Variants in TRIQK observed in about 807,000 individuals in gnomAD.
TRIQK encodes triple QxxK/R motif containing.
Under a neutral mutation model 10.8 loss-of-function variants are expected in TRIQK, and 10 were observed. The observed-to-expected ratio is 0.92, with a 90% CI of 0.57 to 1.57. The LOEUF (loss-of-function observed/expected upper bound fraction) is 1.57. TRIQK is among the 40% of genes most tolerant of loss of function. TRIQK has a pLI of 0.00. For synonymous variants in TRIQK, 33 were observed against 33.7 expected (o/e 0.98, Z 0.07); for missense variants, 107 against 97.7 (o/e 1.09, Z -0.40).
intron 1 of TRIQK, among the ~76,000 whole-genome samples, chr8:92,994,743 T>C (rs1324143546): frequency 6.6e-6 from 1 of 151,996 alleles, no homozygotes; most frequent in African/African-American, 2.4e-5. Context: ...TCTGACCTTA[T>C]ACTACTCTAT....
At chr8:92,921,110 C>T (rs1267215159) in intron 2 of TRIQK, among the ~76,000 whole-genome samples, 1 of 151,476 alleles carries the variant, frequency 6.6e-6, no homozygotes, top group Admixed American at 6.6e-5. Context: ...ATGATTATTG[C>T]AGGTATAAAG....
intron 4 of TRIQK, among the ~76,000 whole-genome samples, chr8:92,888,263 T>G (rs1023451352): frequency 1.3e-5 from 2 of 151,698 alleles, no homozygotes; most frequent in Non-Finnish European, 3.0e-5. Context: ...AGGCCATGAT[T>G]CATATCTTAT....
At chr8:92,906,219 G>C (rs780889363) in intron 3 of TRIQK, among the ~76,000 whole-genome samples, 23 of 152,118 alleles carry the variant, frequency 1.5e-4, no homozygotes, top group Non-Finnish European at 3.2e-4. Context: ...ATTGAAAGCT[G>C]AGCCAGCCAC....
At chr8:93,015,982 T>C (rs573866538) in intron 1 of TRIQK, among the ~76,000 whole-genome samples, 2 of 152,268 alleles carry the variant, frequency 1.3e-5, no homozygotes, top group Admixed American at 6.5e-5. Context: ...TCCTGAGCTA[T>C]GCATAGAGAT....
At chr8:92,894,519 A>G (rs1808491659) in intron 3 of TRIQK, among the ~76,000 whole-genome samples, 1 of 152,042 alleles carries the variant, frequency 6.6e-6, no homozygotes, top group Non-Finnish European at 1.5e-5. Flanking sequence ...ACTGATTCTG[A>G]TTTTGGTTGT....
chr8:92,897,231 T>C (rs1405664648), intron 3 of TRIQK, among the ~76,000 whole-genome samples: 2 of 152,160 alleles, frequency 1.3e-5, no homozygotes, highest in Non-Finnish European at 2.9e-5. Flanking sequence ...TGATTTTAAA[T>C]GAGACTTTGG....
At chr8:92,966,846 C>A (rs1296028456), upstream of TRIQK, among the ~76,000 whole-genome samples, 1 of 152,074 alleles carries the variant, frequency 6.6e-6, no homozygotes, top group African/African-American at 2.4e-5. Flanking sequence ...TTGTGGTGAA[C>A]TAAATCTAAA....
intron 1 of TRIQK, among the ~76,000 whole-genome samples, chr8:92,991,052 T>C (rs1813091774): frequency 6.6e-6 from 1 of 152,086 alleles, no homozygotes; most frequent in Admixed American, 6.5e-5. Context: ...CGAGGAACAC[T>C]CTGGCTTGGT....
chr8:93,012,070 G>T (rs991637013), intron 1 of TRIQK, among the ~76,000 whole-genome samples: 1 of 152,088 alleles, frequency 6.6e-6, no homozygotes, highest in Admixed American at 6.6e-5. Flanking sequence ...GCAAGAAATA[G>T]AAAATAAAAT....
At chr8:92,993,566 C>T (rs1333171606) in intron 1 of TRIQK, among the ~76,000 whole-genome samples, 3 of 152,172 alleles carry the variant, frequency 2.0e-5, no homozygotes, top group Admixed American at 6.5e-5. Context: ...TGCTCATTTT[C>T]AGTGCTTAGT....
At chr8:92,928,021 AAT>A (rs1810528966) in intron 2 of TRIQK, 2 of 152,188 alleles carry the variant, frequency 1.3e-5, no homozygotes, top group Non-Finnish European at 2.9e-5. Context: ...AGTTCCAATT[AAT>A]GTCAAGAGGT....
At chr8:92,945,665 A>G (rs1487120549) in intron 2 of TRIQK, among the ~76,000 whole-genome samples, 1 of 152,162 alleles carries the variant, frequency 6.6e-6, no homozygotes, top group Non-Finnish European at 1.5e-5. Context: ...TATGTACCAT[A>G]TAGGTATGTA....
At position 92,972,486 on chromosome 8, in the gene TRIQK, A is replaced by G. The variant is rs1812885744; in HGVS notation, c.-180-17922T>C. 3 of 152,240 alleles carry G rather than the reference A, an allele frequency of 2.0e-5. No individual in the cohort carries two copies. In the East Asian group the frequency reaches 5.8e-4, roughly 29 times the overall value. The allele number at this position is 152,240 out of a possible 1,614,324, so 9.4% of individuals were successfully genotyped here. ...TATATTGTTATGCTGAGAATCATCA[A>G]TGTTGCATTCATTTAATATTATGTT... On this transcript the variant is annotated intron_variant, in intron 1 of 4. Coordinates refer to the TRIQK transcript ENST00000520686.
chr8:93,008,866 AC>A (rs1365623493), intron 1 of TRIQK, among the ~76,000 whole-genome samples: 2 of 152,236 alleles, frequency 1.3e-5, no homozygotes, highest in African/African-American at 4.8e-5. Flanking sequence ...AATGCTTGGA[AC>A]CATGAAGCTA....
chr8:92,997,046 A>G (rs1468381182), intron 1 of TRIQK, among the ~76,000 whole-genome samples: 1 of 151,974 alleles, frequency 6.6e-6, no homozygotes, highest in Non-Finnish European at 1.5e-5. Flanking sequence ...CCAATACTCA[A>G]TCATACATTG....
chr8:92,956,134 C>T lies in TRIQK; in HGVS notation c.-180-1570G>A, dbSNP rs1224336912. ...GTTCATAGCAGCATTATTCTAATAG[C>T]CAAAAAGTAGAAATAACTCATGATG... On this transcript the variant is annotated intron_variant, in intron 1 of 4. Transcript: ENST00000521988. 2.0e-5 allele frequency among the ~76,000 whole-genome samples: 3 copies of T among 151,394 alleles called. No individual in the cohort carries two copies. In the South Asian group the frequency reaches 6.2e-4, roughly 32 times the overall value.
intron 1 of TRIQK, among the ~76,000 whole-genome samples, chr8:93,015,005 G>A (rs1813370207): frequency 6.6e-6 from 1 of 152,038 alleles, no homozygotes; most frequent in Admixed American, 6.6e-5. Flanking sequence ...TCCTCAAGAA[G>A]AGTGAGCTAT....
At chr8:92,950,723 T>C (rs1294789429) in intron 2 of TRIQK, among the ~76,000 whole-genome samples, 1 of 152,156 alleles carries the variant, frequency 6.6e-6, no homozygotes, top group African/African-American at 2.4e-5. Flanking sequence ...ATATTTAAAG[T>C]AACCCTAGGT....
intron 1 of TRIQK, among the ~76,000 whole-genome samples, chr8:92,983,724 A>G (rs1225326882): frequency 1.3e-5 from 2 of 152,082 alleles, no homozygotes; most frequent in Non-Finnish European, 2.9e-5. Flanking sequence ...AGAAATTGGT[A>G]AACACATAGT....
Sources: gnomAD v4.1 joint callset for allele counts (sites outside exome capture counted in the v4.1 genomes callset) on GRCh38, gnomAD v4.1.1 for gene constraint, MANE v1.5 for transcripts, NCBI Gene and HGNC (gene_info 2026-07-23, HGNC 2026-07-21) for gene names.